GPC5: variants seen among roughly 807,000 people sequenced by gnomAD.
GPC5 encodes the protein glypican-5.
A neutral mutation model predicts 53.9 loss-of-function variants in GPC5; 47 were observed. The observed-to-expected ratio is 0.87, with a 90% CI of 0.69 to 1.11. The LOEUF is 1.11. Ranked by LOEUF, GPC5 falls within the 50% of genes most tolerant of loss-of-function variation. The probability of loss-of-function intolerance (pLI) is 0.00; values close to 1 mark genes in which losing one functional copy is unlikely to be tolerated. For synonymous variants in GPC5, 286 were observed against 263.3 expected (o/e 1.09, Z -0.84); for missense variants, 748 against 713.1 (o/e 1.05, Z -0.56).
rs1413701043 is a variant in GPC5, at chr13:92,347,919, A to AT, written c.1561+202931dup. Among the ~76,000 whole-genome samples, 21 of 17,464 alleles carry AT rather than the reference A, an allele frequency of 1.2e-3. 1 individual carries two copies. Among genetic ancestry groups the AT allele is most frequent in the African/African-American group, 9.3e-3 (10 of 1,078 alleles). The allele number at this position is 17,464 out of a possible 152,430, so 11.5% of individuals were successfully genotyped here. A position where few individuals can be genotyped will look rare whatever the true frequency, so the allele number is the denominator to read the frequency against. On this transcript the variant is annotated intron_variant, in intron 7 of 7. Transcript: ENST00000377067. Reference sequence around the variant, plus strand: ...TATATATAATATATATATAATATATATATATTATATATACATCTTATATGT... The same window carrying AT: ...TATATATAATATATATATAATATATATTATATTATATATACATCTTATATGT...
rs148630438 is a variant in GPC5 at position 92,677,508 on chromosome 13, A to G, written c.1562-188774A>G. 2.1e-3 allele frequency among the ~76,000 whole-genome samples: 320 copies of G among 152,348 alleles called. 1 individual carries two copies. The highest frequency in any genetic ancestry group is 6.9e-3 in the African/African-American group (286 of 41,578). On this transcript the variant is annotated intron_variant, in intron 7 of 7. Transcript: ENST00000377067. ...AAGTAACAAATTCTGTGTTTGTTCCATGGACTTACAGCCAGTGAGTCCTGA... is the reference window on the plus strand; with the variant it reads ...AAGTAACAAATTCTGTGTTTGTTCCGTGGACTTACAGCCAGTGAGTCCTGA...
intron 7 of GPC5, among the ~76,000 whole-genome samples, chr13:92,666,975 GA>G (rs1272160424): frequency 6.6e-6 from 1 of 152,046 alleles, no homozygotes; most frequent in Admixed American, 6.6e-5. Context: ...TGAAAATAGG[GA>G]AAAATGCCAC....
At chr13:92,163,315 G>A (rs2139009166) in intron 7 of GPC5, among the ~76,000 whole-genome samples, 1 of 152,080 alleles carries the variant, frequency 6.6e-6, no homozygotes, top group South Asian at 2.1e-4. Flanking sequence ...ACAGACCTCA[G>A]CCAGGCATGG....
intron 7 of GPC5, among the ~76,000 whole-genome samples, chr13:92,205,004 C>T (rs1484476269): frequency 1.3e-5 from 2 of 151,848 alleles, no homozygotes; most frequent in African/African-American, 4.8e-5. Flanking sequence ...TCAGCCTCTC[C>T]AGTAGCTGGG....
chr13:92,662,023 G>A (rs1168631548), intron 7 of GPC5, among the ~76,000 whole-genome samples: 1 of 151,974 alleles, frequency 6.6e-6, no homozygotes, highest in East Asian at 1.9e-4. Context: ...TTTCCAATCT[G>A]TCATGTCTTC....
intron 5 of GPC5, among the ~76,000 whole-genome samples, chr13:91,875,758 A>G (rs1282721853): frequency 6.6e-6 from 1 of 152,244 alleles, no homozygotes; most frequent in Non-Finnish European, 1.5e-5. Flanking sequence ...AATAAATTTC[A>G]AGCAAAATAC....
At chr13:92,433,373 A>T (rs1877176047) in intron 7 of GPC5, among the ~76,000 whole-genome samples, 1 of 152,178 alleles carries the variant, frequency 6.6e-6, no homozygotes, top group African/African-American at 2.4e-5. Context: ...ATCACCTATG[A>T]GTGGAACGGT....
intron 2 of GPC5, among the ~76,000 whole-genome samples, chr13:91,640,628 G>T (rs1027258706): frequency 1.4e-4 from 22 of 152,122 alleles, no homozygotes; most frequent in Admixed American, 1.3e-3. Flanking sequence ...CCATTACTAG[G>T]TTTATACCTA....
At chr13:91,731,131 T>C (rs2036688405) in intron 4 of GPC5, among the ~76,000 whole-genome samples, 1 of 152,238 alleles carries the variant, frequency 6.6e-6, no homozygotes, top group Non-Finnish European at 1.5e-5. Context: ...TTTCCAACTG[T>C]CCTTACTAAT....
At chr13:92,476,486 C>T (rs948396015) in intron 7 of GPC5, among the ~76,000 whole-genome samples, 5 of 151,670 alleles carry the variant, frequency 3.3e-5, no homozygotes, top group Admixed American at 1.3e-4. Context: ...GTCAGTGTGG[C>T]GATTCCTCAG....
At chr13:92,350,428 C>T (rs893893128) in intron 7 of GPC5, among the ~76,000 whole-genome samples, 1 of 152,100 alleles carries the variant, frequency 6.6e-6, no homozygotes, top group Non-Finnish European at 1.5e-5. Context: ...CTAAGTAAAA[C>T]AAGGTAGGCA....
chr13:92,543,510 C>T (rs1881998554), intron 7 of GPC5, among the ~76,000 whole-genome samples: 2 of 151,940 alleles, frequency 1.3e-5, no homozygotes, highest in South Asian at 4.1e-4. Context: ...AAGTAGGGTA[C>T]TGCTTCAGCT....
At chr13:91,697,224 C>T (rs2035897099) in intron 3 of GPC5, among the ~76,000 whole-genome samples, 1 of 152,114 alleles carries the variant, frequency 6.6e-6, no homozygotes, top group African/African-American at 2.4e-5. Flanking sequence ...CTCACTGCAA[C>T]CTCTACCTCC....
chr13:92,846,690 T>C (rs775166723), intron 7 of GPC5, among the ~76,000 whole-genome samples: 2 of 152,220 alleles, frequency 1.3e-5, no homozygotes, highest in Non-Finnish European at 2.9e-5. Context: ...GTGTTCCATC[T>C]GGTGGTAAGT....
chr13:91,429,175 C>A (rs1249008017), intron 1 of GPC5, among the ~76,000 whole-genome samples: 1 of 152,208 alleles, frequency 6.6e-6, no homozygotes, highest in East Asian at 1.9e-4. Context: ...CTGACTTGGC[C>A]TCCCAAAGTA....
chr13:91,906,911 GC>G (rs2039558585), intron 5 of GPC5, among the ~76,000 whole-genome samples: 1 of 151,358 alleles, frequency 6.6e-6, no homozygotes, highest in Non-Finnish European at 1.5e-5. Flanking sequence ...GATTTTAGTT[GC>G]TTAAAAATTT....
chr13:91,447,687 T>C (rs1880902321), intron 1 of GPC5, among the ~76,000 whole-genome samples: 1 of 152,174 alleles, frequency 6.6e-6, no homozygotes, highest in African/African-American at 2.4e-5. Context: ...ATGCGTCTTG[T>C]GTGTATGTCT....
chr13:91,963,192 G>A (rs1049964585), intron 6 of GPC5, among the ~76,000 whole-genome samples: 3 of 152,118 alleles, frequency 2.0e-5, no homozygotes, highest in African/African-American at 7.2e-5. Context: ...ATAGAGCTGA[G>A]TAGTGCTTAG....
chr13:92,631,757 A>G (rs1334288634), intron 7 of GPC5, among the ~76,000 whole-genome samples: 6 of 152,166 alleles, frequency 3.9e-5, no homozygotes, highest in African/African-American at 1.2e-4. Context: ...GGGGGTGTCA[A>G]TATGATGCCA....
Sources: gnomAD v4.1 joint callset for allele counts (sites outside exome capture counted in the v4.1 genomes callset) on GRCh38, gnomAD v4.1.1 for gene constraint, MANE v1.5 for transcripts, NCBI Gene and HGNC (gene_info 2026-07-23, HGNC 2026-07-21) for gene names.